RANBP2: variants seen among roughly 807,000 people sequenced by gnomAD.
RANBP2 encodes the protein E3 SUMO-protein ligase RanBP2.
Under a neutral mutation model 303.6 loss-of-function variants are expected in RANBP2, and 57 were observed. The observed-to-expected ratio is 0.19, with a 90% CI of 0.15 to 0.23. RANBP2 has a LOEUF of 0.23. Ranked by LOEUF, RANBP2 falls within the 10% of genes least tolerant of loss-of-function variation. The pLI is 1.00. For missense variants in RANBP2, 3,138 were observed against 3,780.8 expected, an observed-to-expected ratio of 0.83 and a Z score of 4.46; for synonymous variants, 1,167 against 1,301.5, an observed-to-expected ratio of 0.90 and a Z score of 2.23.
At chr2:108,897,378 A>T in the RANBP2 span, 1 of 783,116 alleles carries the variant, frequency 1.3e-6, no homozygotes, top group South Asian at 1.7e-5. Context: ...AAACAAATGC[A>T]TAACTTAAGG....
chr2:109,270,608 G>A, the RANBP2 span, among the ~76,000 whole-genome samples: 6 of 152,154 alleles, frequency 3.9e-5, no homozygotes, highest in South Asian at 2.1e-4. Context: ...AGGAGGCCAC[G>A]GGTGCAGGGC....
chr2:109,250,090 CT>C, the RANBP2 span, among the ~76,000 whole-genome samples: 5,769 of 134,838 alleles, frequency 0.043, 310 homozygotes, highest in African/African-American at 0.14. Flanking sequence ...GTAGGTGTTC[CT>C]TTTTTTTTTT....
At chr2:109,117,031 G>A in the RANBP2 span, among the ~76,000 whole-genome samples, 2 of 152,334 alleles carry the variant, frequency 1.3e-5, no homozygotes, top group Non-Finnish European at 2.9e-5. Flanking sequence ...TGAGGTGTCA[G>A]TCTGCCCCTA....
rs1382578906 is a variant in RANBP2 at position 108,729,200 on chromosome 2, G to T, written c.140+1G>T. On this transcript the variant is annotated splice_donor_variant, in intron 2 of 28. Transcript: ENST00000283195. LOFTEE classifies it high-confidence loss of function. Reference sequence around the variant, plus strand: ...CTAAAGAATATGATCTTGCTAAAAAGTAAGTACAAACTGTAACATGTATTT... The same window carrying T: ...CTAAAGAATATGATCTTGCTAAAAATTAAGTACAAACTGTAACATGTATTT... 6.4e-7 allele frequency: 1 copy of T among 1,567,236 alleles called. No homozygotes were observed.
At chr2:109,297,189 G>T in the RANBP2 span, among the ~76,000 whole-genome samples, 1 of 151,964 alleles carries the variant, frequency 6.6e-6, no homozygotes, top group African/African-American at 2.4e-5. Context: ...CTGCAGGGGG[G>T]TGAGTTCCCC....
At chr2:109,516,280 G>A in the RANBP2 span, among the ~76,000 whole-genome samples, 1 of 152,216 alleles carries the variant, frequency 6.6e-6, no homozygotes, top group Non-Finnish European at 1.5e-5. Context: ...CAGGGCCTGG[G>A]GGGCAGCCCT....
the RANBP2 span, among the ~76,000 whole-genome samples, chr2:109,056,484 G>T: frequency 0.012 from 1,835 of 152,182 alleles, 40 homozygotes; most frequent in African/African-American, 0.041. Context: ...ATAGTCTTTA[G>T]ATCTCTTCTT....
At chr2:109,647,663 T>C in the RANBP2 span, among the ~76,000 whole-genome samples, 1 of 150,878 alleles carries the variant, frequency 6.6e-6, no homozygotes, top group Non-Finnish European at 1.5e-5. Context: ...AGAGATGGGG[T>C]TTCACTATGT....
the RANBP2 span, among the ~76,000 whole-genome samples, chr2:109,505,342 A>G: frequency 3.4e-4 from 51 of 152,198 alleles, no homozygotes; most frequent in Non-Finnish European, 6.5e-4. Flanking sequence ...TTGAGCTGGA[A>G]GAACACTTAG....
the RANBP2 span, among the ~76,000 whole-genome samples, chr2:109,136,210 C>CT: frequency 6.6e-6 from 1 of 151,150 alleles, no homozygotes; most frequent in East Asian, 1.9e-4. Context: ...TTAACATGAT[C>CT]TTTTTTGAGG....
At chr2:109,335,953 A>G in the RANBP2 span, among the ~76,000 whole-genome samples, 1 of 152,202 alleles carries the variant, frequency 6.6e-6, no homozygotes, top group Non-Finnish European at 1.5e-5. Flanking sequence ...TGGGAGTGGG[A>G]TATGTCGGTG....
chr2:109,545,601 G>A, the RANBP2 span: 2 of 1,532,304 alleles, frequency 1.3e-6, no homozygotes, highest in Middle Eastern at 3.4e-4. Flanking sequence ...CTAAAAAACT[G>A]AACCTAAGAA....
the RANBP2 span, among the ~76,000 whole-genome samples, chr2:109,695,539 G>A: frequency 2.0e-5 from 3 of 152,158 alleles, no homozygotes; most frequent in East Asian, 5.8e-4. Flanking sequence ...TGGGGCTGGT[G>A]GTTCAGCTTG....
At chr2:109,016,182 C>T in the RANBP2 span, among the ~76,000 whole-genome samples, 5 of 152,142 alleles carry the variant, frequency 3.3e-5, no homozygotes, top group South Asian at 2.1e-4. Context: ...CCCGGGTTCA[C>T]GCCATTCTCC....
At chr2:109,181,090 G>A in the RANBP2 span, among the ~76,000 whole-genome samples, 1 of 152,204 alleles carries the variant, frequency 6.6e-6, no homozygotes, top group African/African-American at 2.4e-5. Flanking sequence ...GTCAGCATGA[G>A]CATGTGGAGG....
chr2:109,564,319 C>A, the RANBP2 span: 1 of 1,440,628 alleles, frequency 6.9e-7, no homozygotes, highest in South Asian at 1.7e-5. Context: ...AATATGCAAT[C>A]CTCTCTAACT....
chr2:109,581,917 G>C, the RANBP2 span, among the ~76,000 whole-genome samples: 2 of 152,110 alleles, frequency 1.3e-5, no homozygotes, highest in East Asian at 3.8e-4. Context: ...TTCATACCTA[G>C]ACAACTCTAA....
chr2:109,441,205 G>A, the RANBP2 span, among the ~76,000 whole-genome samples: 1 of 150,430 alleles, frequency 6.6e-6, no homozygotes, highest in African/African-American at 2.5e-5. Flanking sequence ...AAATTATGAG[G>A]CATGCAAAGG....
chr2:109,060,264 A>G, the RANBP2 span, among the ~76,000 whole-genome samples: 1 of 152,206 alleles, frequency 6.6e-6, no homozygotes, highest in African/African-American at 2.4e-5. Context: ...CTGAAAGTGC[A>G]GCAACATAAG....
Sources: gnomAD v4.1 joint callset for allele counts (sites outside exome capture counted in the v4.1 genomes callset) on GRCh38, gnomAD v4.1.1 for gene constraint, MANE v1.5 for transcripts, NCBI Gene and HGNC (gene_info 2026-07-23, HGNC 2026-07-21) for gene names.